RBFOX3: variants seen among roughly 807,000 people sequenced by gnomAD.
The protein encoded by RBFOX3 is RNA binding protein fox-1 homolog 3.
A neutral mutation model predicts 48.7 loss-of-function variants in RBFOX3; 17 were observed. That is an observed-to-expected ratio of 0.35 (90% CI 0.24 to 0.52). RBFOX3 has a LOEUF of 0.52. Among genes scored for constraint, RBFOX3 ranks in the 20% least tolerant of loss-of-function variants. The probability of loss-of-function intolerance (pLI) is 0.94; values close to 1 mark genes in which losing one functional copy is unlikely to be tolerated. For missense variants in RBFOX3, 382 were observed against 497.5 expected (o/e 0.77, Z 2.21); for synonymous variants, 212 against 209.5 (o/e 1.01, Z -0.10).
At chr17:79,215,308 C>G (rs1337017408) in intron 4 of RBFOX3, among the ~76,000 whole-genome samples, 1 of 152,192 alleles carries the variant, frequency 6.6e-6, no homozygotes, top group Non-Finnish European at 1.5e-5. Context: ...GGGCTGCAGC[C>G]CCGTCAACCA....
intron 2 of RBFOX3, among the ~76,000 whole-genome samples, chr17:79,335,850 T>C (rs989561704): frequency 2.6e-5 from 4 of 152,228 alleles, no homozygotes; most frequent in African/African-American, 9.6e-5. Flanking sequence ...GCACTCCACG[T>C]AGCCTGCAGC....
chr17:79,090,488 T>C lies in RBFOX3; in HGVS notation c.*395A>G, dbSNP rs1484053804. On this transcript the variant is annotated 3_prime_UTR_variant, in exon 15 of 15. Transcript: ENST00000693108. ...AGGCCCGGGCCTGCTCCGCCGCCGC[T>C]GGGCTCCACACTGTCTGTCTTGGGA... 4.8e-6 allele frequency: 1 copy of C among 208,426 alleles called. No individual in the cohort carries two copies. The highest frequency in any genetic ancestry group is 9.6e-6 in the Non-Finnish European group (1 of 104,706). 12.9% of individuals were successfully genotyped at this position (208,426 alleles called of 1,614,324 possible).
Position 79,503,934 on chromosome 17 carries a change from G to A in RBFOX3, c.-319-21336C>T, listed in dbSNP as rs1049881436. Among the ~76,000 whole-genome samples the A allele has an allele frequency of 2.1e-4, 32 of 152,308 alleles. No homozygotes were observed. In the South Asian group the frequency reaches 5.6e-3, roughly 27 times the overall value. ...CCTTCCTCCCGACTTAGACTCCAGC[G>A]GAGCTTGTGCACACCCACCTTCCAG... On this transcript the variant is annotated intron_variant, in intron 1 of 14. Coordinates refer to ENST00000693108, the MANE Select transcript of RBFOX3 (RefSeq NM_001350451.2).
In RBFOX3 at chr17:79,264,977, C is replaced by T. The variant is rs1423096821; in HGVS notation, c.-73-29172G>A. Among the ~76,000 whole-genome samples, 5 of 147,566 alleles carry T rather than the reference C, an allele frequency of 3.4e-5. No individual in the cohort carries two copies. The South Asian group carries it at 1.1e-3, about 32-fold the overall frequency. On this transcript the variant is annotated intron_variant, in intron 3 of 14. Coordinates refer to ENST00000693108, the MANE Select transcript of RBFOX3 (RefSeq NM_001350451.2). ...TCAGTGCGAGAGGAGGGGGGGGGGG[C>T]GCAGATTTGTGGCGATCATAAAAAC...
At chr17:79,107,499 G>A (rs562668508) in intron 5 of RBFOX3, among the ~76,000 whole-genome samples, 6 of 152,332 alleles carry the variant, frequency 3.9e-5, no homozygotes, top group South Asian at 2.1e-4. Flanking sequence ...CAGGGGTGTC[G>A]CCCGAGGCAG....
At chr17:79,620,117 G>A in the RBFOX3 span, among the ~76,000 whole-genome samples, 298 of 126,126 alleles carry the variant, frequency 2.4e-3, 1 homozygote, top group Admixed American at 3.7e-3. Flanking sequence ...GCACGCATAT[G>A]CACACATACA....
intron 2 of RBFOX3, among the ~76,000 whole-genome samples, chr17:79,417,231 C>T (rs55646732): frequency 0.15 from 22,899 of 152,142 alleles, 1,929 homozygotes; most frequent in Non-Finnish European, 0.19. Flanking sequence ...CCTTGCTCCC[C>T]GTAAGAGTCT....
chr17:79,635,046 C>A, the RBFOX3 span, among the ~76,000 whole-genome samples: 3 of 103,724 alleles, frequency 2.9e-5, no homozygotes, highest in Non-Finnish European at 5.2e-5. Context: ...GGCAATAAAG[C>A]GAGACTCCAT....
intron 4 of RBFOX3, among the ~76,000 whole-genome samples, chr17:79,140,810 C>T (rs2041770683): frequency 6.6e-6 from 1 of 152,224 alleles, no homozygotes; most frequent in Non-Finnish European, 1.5e-5. Context: ...CACACTTCTC[C>T]ACCCGGAATT....
intron 3 of RBFOX3, among the ~76,000 whole-genome samples, chr17:79,262,300 C>T (rs2065919275): frequency 6.6e-6 from 1 of 152,194 alleles, no homozygotes; most frequent in Non-Finnish European, 1.5e-5. Flanking sequence ...CATGGGGGGC[C>T]CCGGACAGGG....
At chr17:79,357,752 G>C (rs921872572) in intron 2 of RBFOX3, among the ~76,000 whole-genome samples, 1 of 151,252 alleles carries the variant, frequency 6.6e-6, no homozygotes, top group Non-Finnish European at 1.5e-5. Flanking sequence ...AATGAAGTGC[G>C]TTTGTTGAAT....
chr17:79,179,031 G>A (rs2146006441), intron 4 of RBFOX3, among the ~76,000 whole-genome samples: 1 of 152,314 alleles, frequency 6.6e-6, no homozygotes, highest in South Asian at 2.1e-4. Context: ...GCGTGTCTCA[G>A]ACGGGGTTCC....
rs2063602179 is a variant in RBFOX3 at position 79,249,296 on chromosome 17, A to C, written c.-73-13491T>G. On this transcript the variant is annotated intron_variant, in intron 3 of 14. Transcript: ENST00000693108. This position sits in a 1 kb window ranked among gnomAD's most constrained non-coding sequence, Gnocchi z 4.1. ...GCTAGTGAGATGCTGAGCTGTGAAC[A>C]AAGTCAGAGTCCACTCATAACCACC... Among the ~76,000 whole-genome samples, 1 of 152,096 alleles carries C rather than the reference A, an allele frequency of 6.6e-6. No homozygotes were observed. The highest frequency in any genetic ancestry group is 6.5e-5 in the Admixed American group (1 of 15,272).
intron 1 of RBFOX3, among the ~76,000 whole-genome samples, chr17:79,566,097 A>G (rs1177712054): frequency 6.6e-6 from 1 of 152,146 alleles, no homozygotes; most frequent in Admixed American, 6.6e-5. Flanking sequence ...TAACTCTGCC[A>G]CCTGCGCCCC....
At chr17:79,627,485 C>T in the RBFOX3 span, among the ~76,000 whole-genome samples, 16 of 152,230 alleles carry the variant, frequency 1.1e-4, no homozygotes, top group African/African-American at 3.9e-4. Flanking sequence ...CCTCTGCTAA[C>T]AGGAAAGACC....
At chr17:79,194,421 A>T (rs1310547661) in intron 4 of RBFOX3, among the ~76,000 whole-genome samples, 1 of 152,134 alleles carries the variant, frequency 6.6e-6, no homozygotes, top group Non-Finnish European at 1.5e-5. Context: ...AGCCTGGCCA[A>T]CATGGTGAAA....
chr17:79,170,140 GGGAAGGAAGGAAGGGAGGAGGAAGGA>G (rs887759866), intron 4 of RBFOX3, among the ~76,000 whole-genome samples: 1 of 123,186 alleles, frequency 8.1e-6, no homozygotes, highest in African/African-American at 4.0e-5. Flanking sequence ...GGAGGAAGGA[GGGAAGGAAGGAAGGGAGGAGGAAGGA>G]GGAAGGAAGG....
intron 2 of RBFOX3, among the ~76,000 whole-genome samples, chr17:79,461,052 G>T (rs782525822): frequency 6.6e-6 from 1 of 152,086 alleles, no homozygotes; most frequent in Non-Finnish European, 1.5e-5. Context: ...TTTCCACTGG[G>T]CCCCCAAAGT....
chr17:79,197,990 G>A (rs933315156), intron 4 of RBFOX3, among the ~76,000 whole-genome samples: 1 of 152,154 alleles, frequency 6.6e-6, no homozygotes, highest in South Asian at 2.1e-4. Flanking sequence ...TGACTGCGGC[G>A]CGTGCTTCTG....
Sources: allele counts gnomAD v4.1 joint callset (sites outside exome capture counted in the v4.1 genomes callset), GRCh38; gene constraint gnomAD v4.1.1; non-coding constraint Gnocchi (gnomAD v3.1); transcripts MANE v1.5; gene names NCBI Gene and HGNC (gene_info 2026-07-23, HGNC 2026-07-21).